The following CBR4 variants were observed in gnomAD, a reference collection of about 807,000 sequenced individuals.
The protein encoded by CBR4 is 3-oxoacyl-[acyl-carrier-protein] reductase.
A neutral mutation model predicts 21.0 loss-of-function variants in CBR4; 22 were observed. That is an observed-to-expected ratio of 1.05 (90% confidence interval 0.75 to 1.50). The LOEUF (loss-of-function observed/expected upper bound fraction) is 1.50, where lower values mean the gene tolerates loss of function less well. CBR4 is among the 40% of genes most tolerant of loss of function. The pLI is 0.00. For synonymous variants in CBR4, 100 were observed against 104.4 expected (o/e 0.96, Z 0.26); for missense variants, 302 against 286.3 (o/e 1.05, Z -0.40).
intron 2 of CBR4, among the ~76,000 whole-genome samples, chr4:168,912,038 C>T (rs1449953881): frequency 6.6e-6 from 1 of 152,008 alleles, no homozygotes; most frequent in Admixed American, 6.6e-5. Flanking sequence ...TTTAGGAGAC[C>T]TAGAGAACCC....
At position 168,990,882 on chromosome 4, in the gene CBR4, G is replaced by A. The variant is rs142080448; in HGVS notation, c.536-554C>T. On this transcript the variant is annotated intron_variant, in intron 4 of 4. Transcript: ENST00000306193. ...AGCCTGCCCAACATGGTGAAACCCC[G>A]TCTCTACTAAAAATACAAAAAATTA... Among the ~76,000 whole-genome samples, 1,217 of 151,826 alleles carry A rather than the reference G, an allele frequency of 8.0e-3. 12 individuals are homozygous for A. Among genetic ancestry groups the A allele is most frequent in the African/African-American group, 0.028 (1,168 of 41,430 alleles).
chr4:168,928,778 C>T (rs1051847229), intron 2 of CBR4, among the ~76,000 whole-genome samples: 2 of 152,212 alleles, frequency 1.3e-5, no homozygotes, highest in Admixed American at 6.5e-5. Context: ...GTAGCCCGCT[C>T]CATCTTCAGG....
At chr4:168,969,319 C>G (rs766851013) in intron 2 of CBR4, among the ~76,000 whole-genome samples, 9 of 152,140 alleles carry the variant, frequency 5.9e-5, no homozygotes, top group South Asian at 2.1e-4. Flanking sequence ...AGCAAAAGAT[C>G]ATAATTTTTC....
rs70961566 is a variant in CBR4, at chr4:168,971,436, A to ATTTT, written n.169+30631_169+30634dup. 1.2e-3 allele frequency among the ~76,000 whole-genome samples: 138 copies of ATTTT among 114,062 alleles called. 3 individuals carry two copies. Among genetic ancestry groups the ATTTT allele is most frequent in the African/African-American group, 4.0e-3 (111 of 27,948 alleles). The allele number at this position is 114,062 out of a possible 152,430, so 74.8% of individuals were successfully genotyped here. A position where few individuals can be genotyped will look rare whatever the true frequency, so the allele number is the denominator to read the frequency against. On this transcript the variant is annotated intron_variant and non_coding_transcript_variant, in intron 2 of 3. Transcript: ENST00000509108. ...AGGCACACACCACCATGCCCAGCTC[A>ATTTT]TTTTTTTTTTTTTTTTTTTTTTGTA...
chr4:168,921,827 C>T (rs1037941937), intron 2 of CBR4: 17 of 1,018,348 alleles, frequency 1.7e-5, no homozygotes, highest in African/African-American at 4.7e-5. Flanking sequence ...CTAACCAATA[C>T]GGAAAATAAA....
At chr4:168,975,485 T>C (rs1416142727) in intron 2 of CBR4, among the ~76,000 whole-genome samples, 2 of 152,002 alleles carry the variant, frequency 1.3e-5, no homozygotes, top group Non-Finnish European at 2.9e-5. Context: ...TGGGGCAGAG[T>C]TGTTCTGAGT....
intron 1 of CBR4, among the ~76,000 whole-genome samples, chr4:169,008,556 G>T (rs559445617): frequency 6.6e-6 from 1 of 152,268 alleles, no homozygotes; most frequent in African/African-American, 2.4e-5. Flanking sequence ...GAAACAGTAA[G>T]CGACCCGGGG....
In CBR4 at chr4:168,989,262, TAA is replaced by T; in HGVS notation, c.*886_*887del. Reference sequence around the variant, plus strand: ...TTTAAATATTAATAGTTCACTATTCTAAGTTTTTCATGAATAAAAAACACATC... The same window carrying T: ...TTTAAATATTAATAGTTCACTATTCTGTTTTTCATGAATAAAAAACACATC... On this transcript the variant is annotated 3_prime_UTR_variant, in exon 5 of 5. Transcript: ENST00000306193. The T allele has an allele frequency of 1.1e-5, 11 of 984,088 alleles. No individual in the cohort carries two copies. Among genetic ancestry groups the T allele is most frequent in the Non-Finnish European group, 1.3e-5 (11 of 828,706 alleles). 61.0% of individuals were successfully genotyped at this position (984,088 alleles called of 1,614,324 possible).
At position 168,905,044 on chromosome 4, in the gene CBR4, T is replaced by C. The variant is rs917092120; in HGVS notation, n.170-10279A>G. The stretch of plus-strand genomic sequence containing the variant: ...CAGGAGGTTGAAGCATGAGAATCAC[T>C]TGAACCTGGGATGCGGAGGTTTCAG... On this transcript the variant is annotated intron_variant and non_coding_transcript_variant, in intron 2 of 3. Coordinates refer to the CBR4 transcript ENST00000509108. Among the ~76,000 whole-genome samples the C allele has an allele frequency of 4.0e-5, 6 of 151,822 alleles. No homozygotes were observed. In the East Asian group the frequency reaches 1.2e-3, roughly 29 times the overall value.
chr4:168,955,589 G>A (rs1763661529), intron 2 of CBR4, among the ~76,000 whole-genome samples: 1 of 152,138 alleles, frequency 6.6e-6, no homozygotes, highest in Non-Finnish European at 1.5e-5. Flanking sequence ...TCACAAGAGT[G>A]AGTGAGTGGA....
At chr4:168,982,859 T>C (rs771454182), downstream of CBR4, among the ~76,000 whole-genome samples, 16 of 152,160 alleles carry the variant, frequency 1.1e-4, no homozygotes, top group Non-Finnish European at 2.2e-4. Context: ...CAAGAAATTA[T>C]CTGAAACTAA....
At chr4:168,994,665 G>A (rs927103009) in intron 4 of CBR4, among the ~76,000 whole-genome samples, 2 of 151,386 alleles carry the variant, frequency 1.3e-5, no homozygotes, top group African/African-American at 4.9e-5. Flanking sequence ...TGCAACCTCT[G>A]CCTCCCAGGT....
At chr4:168,943,051 A>G (rs1482685145) in intron 2 of CBR4, among the ~76,000 whole-genome samples, 1 of 152,252 alleles carries the variant, frequency 6.6e-6, no homozygotes, top group Non-Finnish European at 1.5e-5. Flanking sequence ...TATGGAGTAC[A>G]GTATGGAGAT....
At chr4:168,944,908 A>C (rs1281571342) in intron 2 of CBR4, among the ~76,000 whole-genome samples, 1 of 152,228 alleles carries the variant, frequency 6.6e-6, no homozygotes, top group Non-Finnish European at 1.5e-5. Flanking sequence ...TGCTGTTCAG[A>C]GCATGTGACA....
At position 168,981,540 on chromosome 4, in the gene CBR4, G is replaced by C. The variant is rs74983664; in HGVS notation, n.169+20531C>G. Reference sequence around the variant, plus strand: ...TGGGGAATGAATCTCAGAGCTCAAAGAACAGTTCTTCAAATTAACTCAGTC... The same window carrying C: ...TGGGGAATGAATCTCAGAGCTCAAACAACAGTTCTTCAAATTAACTCAGTC... On this transcript the variant is annotated intron_variant and non_coding_transcript_variant, in intron 2 of 3. Coordinates refer to the CBR4 transcript ENST00000509108. Among the ~76,000 whole-genome samples, 921 of 152,204 alleles carry C rather than the reference G, an allele frequency of 6.1e-3. 11 individuals are homozygous for C. Among genetic ancestry groups the C allele is most frequent in the African/African-American group, 0.021 (867 of 41,534 alleles).
chr4:168,961,364 T>C (rs1415931142), intron 2 of CBR4, among the ~76,000 whole-genome samples: 1 of 152,196 alleles, frequency 6.6e-6, no homozygotes, highest in Non-Finnish European at 1.5e-5. Flanking sequence ...TGTCTCAATA[T>C]CTATAGAATA....
intron 2 of CBR4, among the ~76,000 whole-genome samples, chr4:168,936,059 C>G (rs768827541): frequency 1.1e-4 from 17 of 152,200 alleles, no homozygotes; most frequent in Admixed American, 1.3e-4. Flanking sequence ...GGGTGCCCCT[C>G]TGGGACAAAG....
intron 2 of CBR4, among the ~76,000 whole-genome samples, chr4:168,906,669 G>A (rs988883897): frequency 3.3e-5 from 5 of 152,132 alleles, no homozygotes; most frequent in African/African-American, 1.2e-4. Context: ...CAGTCACCCA[G>A]GCTGGAGTAC....
intron 3 of CBR4, among the ~76,000 whole-genome samples, chr4:169,004,088 G>A (rs2126862787): frequency 6.6e-6 from 1 of 151,726 alleles, no homozygotes; most frequent in East Asian, 1.9e-4. Flanking sequence ...AAAACTTAAA[G>A]TATAACAATA....
Sources: allele counts gnomAD v4.1 joint callset (sites outside exome capture counted in the v4.1 genomes callset), GRCh38; gene constraint gnomAD v4.1.1; transcripts MANE v1.5; gene names NCBI Gene and HGNC (gene_info 2026-07-23, HGNC 2026-07-21).